EVI5: variants seen among roughly 807,000 people sequenced by gnomAD.
The protein encoded by EVI5 is ecotropic viral integration site 5, also known as ecotropic viral integration site 5 protein homolog.
EVI5 carries 73 observed loss-of-function variants against 112.0 expected under a neutral mutation model. The observed-to-expected ratio is 0.65, with a 90% CI of 0.54 to 0.79. The LOEUF is 0.79. EVI5 is among the 30% of genes least tolerant of loss of function. The pLI is 0.00. For synonymous variants in EVI5, 305 were observed against 319.9 expected, an observed-to-expected ratio of 0.95 and a Z score of 0.50; for missense variants, 900 against 968.8, an observed-to-expected ratio of 0.93 and a Z score of 0.94.
chr1:92,759,046 T>C (rs887854394), intron 1 of EVI5, among the ~76,000 whole-genome samples: 3 of 152,066 alleles, frequency 2.0e-5, no homozygotes, highest in Non-Finnish European at 4.4e-5. Flanking sequence ...CTGGGCAACA[T>C]GGTGAAACCC....
chr1:92,575,638 T>C (rs1036809924), intron 18 of EVI5, among the ~76,000 whole-genome samples: 2 of 142,118 alleles, frequency 1.4e-5, no homozygotes, highest in African/African-American at 5.2e-5. Flanking sequence ...GGCATGATCC[T>C]GGTTAACTGC....
chr1:92,633,482 C>G (rs548576354), intron 14 of EVI5, among the ~76,000 whole-genome samples: 31 of 152,266 alleles, frequency 2.0e-4, no homozygotes, highest in African/African-American at 7.5e-4. Context: ...TTATCAGAGA[C>G]TAGGATTGCA....
At chr1:92,688,300 G>A (rs7547595) in intron 9 of EVI5, among the ~76,000 whole-genome samples, 3,613 of 152,134 alleles carry the variant, frequency 0.024, 159 homozygotes, top group African/African-American at 0.084. Flanking sequence ...ACCAAACACC[G>A]CATGCTCTCA....
intron 1 of EVI5, among the ~76,000 whole-genome samples, chr1:92,752,631 C>T (rs1201167414): frequency 6.6e-6 from 1 of 151,992 alleles, no homozygotes; most frequent in Non-Finnish European, 1.5e-5. Context: ...AGCGGGGAGT[C>T]GACCTGAGCA....
At chr1:92,561,367 T>C (rs1291621453) in intron 19 of EVI5, among the ~76,000 whole-genome samples, 2 of 152,102 alleles carry the variant, frequency 1.3e-5, no homozygotes, top group Non-Finnish European at 2.9e-5. Flanking sequence ...AAAGATGCAG[T>C]TTGGTTTCCA....
chr1:92,533,565 A>G (rs1663279124), intron 19 of EVI5, among the ~76,000 whole-genome samples: 1 of 152,202 alleles, frequency 6.6e-6, no homozygotes, highest in African/African-American at 2.4e-5. Context: ...CCAGCAGCAC[A>G]TCAAAAAGCT....
At chr1:92,651,350 T>C (rs921417534) in intron 13 of EVI5, among the ~76,000 whole-genome samples, 11 of 152,318 alleles carry the variant, frequency 7.2e-5, no homozygotes, top group African/African-American at 2.6e-4. Flanking sequence ...CCGCTACTTA[T>C]ATTTGGAGAA....
chr1:92,674,709 G>GA (rs148229872), intron 10 of EVI5, among the ~76,000 whole-genome samples: 29,658 of 149,482 alleles, frequency 0.2, 3,449 homozygotes, highest in Non-Finnish European at 0.26. Context: ...GTATTCAGTT[G>GA]AAAAAAAAAT....
At chr1:92,605,150 G>A (rs1376356907) in intron 18 of EVI5, among the ~76,000 whole-genome samples, 157 bp downstream of exon 18, 1 of 151,990 alleles carries the variant, frequency 6.6e-6, no homozygotes, top group Non-Finnish European at 1.5e-5. Context: ...AAAATGGTAA[G>A]TTTTATGTCT....
At chr1:92,556,334 T>C (rs10874712) in intron 19 of EVI5, among the ~76,000 whole-genome samples, 129,572 of 152,110 alleles carry the variant, frequency 0.85, 55,567 homozygotes, top group East Asian at 0.97. Context: ...AGTGTTGGGA[T>C]TACAGGCGTG....
chr1:92,787,719 G>T (rs1221131126), upstream of EVI5, among the ~76,000 whole-genome samples: 1 of 150,428 alleles, frequency 6.6e-6, no homozygotes, highest in Admixed American at 6.6e-5. Flanking sequence ...CAGCCTGGGC[G>T]ACAGAGAAAG....
chr1:92,641,250 T>C (rs773265626), intron 13 of EVI5, among the ~76,000 whole-genome samples: 1 of 152,208 alleles, frequency 6.6e-6, no homozygotes, highest in African/African-American at 2.4e-5. Context: ...ATATATACTA[T>C]ACAAGCAAAT....
intron 18 of EVI5, among the ~76,000 whole-genome samples, chr1:92,565,323 T>G (rs1370912269): frequency 6.6e-6 from 1 of 152,188 alleles, no homozygotes; most frequent in East Asian, 1.9e-4. Flanking sequence ...TGCTATTATC[T>G]CTCAATAATA....
intron 13 of EVI5, among the ~76,000 whole-genome samples, chr1:92,651,958 CAT>C (rs1662207070): frequency 2.0e-5 from 3 of 151,390 alleles, no homozygotes; most frequent in Admixed American, 2.0e-4. Context: ...AAAAATTAAA[CAT>C]AAAATTACAT....
chr1:92,589,893 G>T (rs1259158468), intron 18 of EVI5, among the ~76,000 whole-genome samples: 1 of 152,170 alleles, frequency 6.6e-6, no homozygotes, highest in Non-Finnish European at 1.5e-5. Flanking sequence ...ACCTCACACG[G>T]CCGGGTACCC....
intron 1 of EVI5, chr1:92,756,638 A>G: frequency 2.0e-6 from 1 of 504,466 alleles, no homozygotes; most frequent in Non-Finnish European, 4.1e-6. Context: ...ACAGTCTCCC[A>G]GCCCTCACAG....
At chr1:92,573,640 T>G (rs1571627231) in intron 18 of EVI5, among the ~76,000 whole-genome samples, 1 of 152,078 alleles carries the variant, frequency 6.6e-6, no homozygotes, top group African/African-American at 2.4e-5. Flanking sequence ...GTCCTTAAAT[T>G]AATTTCTTTC....
Position 92,634,502 on chromosome 1 carries a change from G to A in EVI5, c.1527+1700C>T, listed in dbSNP as rs566204541. Among the ~76,000 whole-genome samples, 152 of 152,246 alleles carry A rather than the reference G, an allele frequency of 1.0e-3. 1 individual carries two copies. The highest frequency in any genetic ancestry group is 3.9e-4 in the East Asian group (2 of 5,172). On this transcript the variant is annotated intron_variant, in intron 14 of 19. Coordinates refer to ENST00000684568, the MANE Select transcript of EVI5 (RefSeq NM_001350197.2). ...CTGAGGCTTGTGCATTCGTCACGTAGTTCTCGTGCCGTGGTTTTCAGCTCC... is the reference window on the plus strand; with the variant it reads ...CTGAGGCTTGTGCATTCGTCACGTAATTCTCGTGCCGTGGTTTTCAGCTCC...
chr1:92,648,919 T>C (rs1479118473), intron 13 of EVI5, among the ~76,000 whole-genome samples: 7 of 152,244 alleles, frequency 4.6e-5, no homozygotes, highest in African/African-American at 2.4e-5. Flanking sequence ...ATGATAATTC[T>C]ATGCTTAACT....
Sources: gnomAD v4.1 joint callset for allele counts (sites outside exome capture counted in the v4.1 genomes callset) on GRCh38, gnomAD v4.1.1 for gene constraint, MANE v1.5 for transcripts, NCBI Gene and HGNC (gene_info 2026-07-23, HGNC 2026-07-21) for gene names.